PROM1: variants seen among roughly 807,000 people sequenced by gnomAD.
The protein encoded by PROM1 is prominin 1, also known as prominin-1.
PROM1 carries 105 observed loss-of-function variants against 116.9 expected under a neutral mutation model. The ratio of observed to expected loss-of-function variants is 0.90; its 90% confidence interval spans 0.77 to 1.06. The LOEUF (loss-of-function observed/expected upper bound fraction) is 1.06, where lower values mean the gene tolerates loss of function less well. Ranked by LOEUF, PROM1 falls within the 50% of genes least tolerant of loss-of-function variation. PROM1 has a pLI of 0.00. For missense variants in PROM1, 1,122 were observed against 1,045.2 expected (o/e 1.07, Z -1.01); for synonymous variants, 393 against 387.0 (o/e 1.02, Z -0.18).
chr4:16,057,848 T>C (rs975172959), intron 2 of PROM1, among the ~76,000 whole-genome samples: 6 of 152,250 alleles, frequency 3.9e-5, no homozygotes, highest in East Asian at 1.9e-4. Flanking sequence ...AGGAGCTCCA[T>C]AGAGTCAGAT....
intron 19 of PROM1, 97 bp from the exon 20 acceptor site, chr4:15,987,813 G>T (rs1008088287): frequency 3.3e-6 from 3 of 919,220 alleles, no homozygotes; most frequent in South Asian, 1.5e-5. Flanking sequence ...CATCAAATCT[G>T]TCTTTACACT....
At chr4:16,002,680 G>C (rs1311163513) in intron 13 of PROM1, among the ~76,000 whole-genome samples, 1 of 152,166 alleles carries the variant, frequency 6.6e-6, no homozygotes, top group Non-Finnish European at 1.5e-5. Flanking sequence ...GTGAGTGAGG[G>C]CCATGCCAGG....
At chr4:16,007,689 G>C (rs1725868534) in intron 12 of PROM1, among the ~76,000 whole-genome samples, 1 of 152,200 alleles carries the variant, frequency 6.6e-6, no homozygotes, top group African/African-American at 2.4e-5. Flanking sequence ...TCAGGGCAGG[G>C]GGAAAAGGAA....
intron 26 of PROM1, among the ~76,000 whole-genome samples, chr4:15,975,349 A>G (rs1365178943): frequency 3.3e-5 from 5 of 152,046 alleles, no homozygotes; most frequent in Admixed American, 6.5e-5. Context: ...CCTCCCAAGT[A>G]GCTGGGATTA....
At chr4:15,994,455 A>G (rs933646140) in intron 15 of PROM1, among the ~76,000 whole-genome samples, 2 of 152,228 alleles carry the variant, frequency 1.3e-5, no homozygotes, top group African/African-American at 4.8e-5. Flanking sequence ...TCATTAAATG[A>G]TTCTATGAAG....
intron 2 of PROM1, among the ~76,000 whole-genome samples, chr4:16,043,942 CCT>C (rs1735920236): frequency 6.6e-6 from 1 of 152,168 alleles, no homozygotes; most frequent in Non-Finnish European, 1.5e-5. Flanking sequence ...TGTCTGTCTC[CCT>C]CTCACACACC....
At chr4:16,054,812 C>T (rs1738624708) in intron 2 of PROM1, among the ~76,000 whole-genome samples, 1 of 152,092 alleles carries the variant, frequency 6.6e-6, no homozygotes, top group South Asian at 2.1e-4. Context: ...GCTATTTCCC[C>T]ACCTATCAAA....
chr4:16,073,248 C>T (rs1269262350), intron 2 of PROM1, among the ~76,000 whole-genome samples: 48 of 152,164 alleles, frequency 3.2e-4, no homozygotes, highest in Non-Finnish European at 5.9e-5. Context: ...ACTCCACAGA[C>T]GACCTGTCCT....
At chr4:16,047,103 TAC>T (rs1180987755) in intron 2 of PROM1, among the ~76,000 whole-genome samples, 1 of 152,204 alleles carries the variant, frequency 6.6e-6, no homozygotes, top group Non-Finnish European at 1.5e-5. Context: ...GAGTGGACGC[TAC>T]AGTCTTGAGG....
intron 2 of PROM1, among the ~76,000 whole-genome samples, chr4:16,046,067 TA>T (rs1481249602): frequency 6.6e-6 from 1 of 152,164 alleles, no homozygotes; most frequent in African/African-American, 2.4e-5. Flanking sequence ...GTGCATCAGA[TA>T]GGGGTCAAGG....
At chr4:15,977,493 T>C (rs574601452) in intron 26 of PROM1, among the ~76,000 whole-genome samples, 1 of 152,360 alleles carries the variant, frequency 6.6e-6, no homozygotes, top group East Asian at 1.9e-4. Context: ...ACCTGGCTAA[T>C]TGATACTTAA....
intron 24 of PROM1, 100 bp from the exon 25 acceptor site, chr4:15,980,004 C>T: frequency 1.4e-6 from 1 of 735,826 alleles, no homozygotes; most frequent in Non-Finnish European, 2.2e-6. Flanking sequence ...CGGATACTGA[C>T]AGTGCAAACT....
chr4:15,969,543 C>T (rs987636756), intron 27 of PROM1, among the ~76,000 whole-genome samples, 175 bp from the exon 28 acceptor site: 1 of 152,028 alleles, frequency 6.6e-6, no homozygotes, highest in African/African-American at 2.4e-5. Flanking sequence ...TAAAATATAG[C>T]AATATAGAAA....
intron 15 of PROM1, among the ~76,000 whole-genome samples, chr4:15,995,154 G>T (rs1056242726): frequency 1.3e-5 from 2 of 152,136 alleles, no homozygotes; most frequent in African/African-American, 2.4e-5. Context: ...CCCTGAGTAT[G>T]GGGGATGGGC....
At chr4:16,035,911 G>A (rs1733847028) in intron 3 of PROM1, 150 bp from the exon 4 acceptor site, 2 of 772,202 alleles carry the variant, frequency 2.6e-6, no homozygotes, top group South Asian at 1.5e-5. Flanking sequence ...ACATGAGAAA[G>A]GAATATAAAA....
At chr4:16,017,419 A>G (rs1728663478) in intron 9 of PROM1, among the ~76,000 whole-genome samples, 2 of 152,268 alleles carry the variant, frequency 1.3e-5, no homozygotes, top group South Asian at 4.1e-4. Flanking sequence ...ATCAAAAATG[A>G]TTATAGTGAT....
rs747453565 is a variant in PROM1 at position 16,005,072 on chromosome 4, C to T, written c.1454+1466G>A. On this transcript the variant is annotated intron_variant, in intron 13 of 27. Transcript: ENST00000447510. ...TTGCCTCCTGGGTTCAGGTGATTCT[C>T]GTGCCTCAGCCTCCCAAGTACCTGG... 3.3e-5 allele frequency among the ~76,000 whole-genome samples: 5 copies of T among 150,024 alleles called. No homozygotes were observed. In the South Asian group the frequency reaches 6.3e-4, roughly 19 times the overall value.
chr4:15,993,802 T>C (rs1242519826), intron 16 of PROM1, among the ~76,000 whole-genome samples, 185 bp downstream of exon 16: 1 of 152,156 alleles, frequency 6.6e-6, no homozygotes, highest in Non-Finnish European at 1.5e-5. Context: ...GGTCGGGCAG[T>C]GAGAAAACGT....
At chr4:15,979,326 C>A in intron 26 of PROM1, 69 bp downstream of exon 26, 1 of 1,605,938 alleles carries the variant, frequency 6.2e-7, no homozygotes, top group Admixed American at 1.7e-5. Context: ...GCAGAAAATT[C>A]AGTGCTGATC....
Sources: allele counts gnomAD v4.1 joint callset (sites outside exome capture counted in the v4.1 genomes callset), GRCh38; gene constraint gnomAD v4.1.1; transcripts MANE v1.5; gene names NCBI Gene and HGNC (gene_info 2026-07-23, HGNC 2026-07-21).